The following CAPN9 variants were observed in gnomAD, a reference collection of about 807,000 sequenced individuals.
CAPN9 encodes calpain-9.
A neutral mutation model predicts 92.8 loss-of-function variants in CAPN9; 81 were observed. The observed-to-expected ratio is 0.87, with a 90% CI of 0.73 to 1.05. CAPN9 has a LOEUF of 1.05. Among genes scored for constraint, CAPN9 ranks in the 50% least tolerant of loss-of-function variants. The pLI is 0.00. For synonymous variants in CAPN9, 304 were observed against 328.0 expected (o/e 0.93, Z 0.79); for missense variants, 848 against 866.2 (o/e 0.98, Z 0.26).
At position 230,790,094 on chromosome 1, in the gene CAPN9, C is replaced by T. The variant is rs764110377; in HGVS notation, c.1600-38C>T. 4.5e-6 allele frequency: 7 copies of T among 1,540,360 alleles called. No homozygotes were observed. The Admixed American group carries it at 8.4e-5, about 18-fold the overall frequency. On this transcript the variant is annotated intron_variant, in intron 13 of 19. Transcript: ENST00000271971. The stretch of plus-strand genomic sequence containing the variant: ...CAAAAATAAACTATAAAAGAAGGTG[C>T]CAAGGGCTATAACAAACAATTGTCT...
intron 4 of CAPN9, among the ~76,000 whole-genome samples, chr1:230,763,163 C>T (rs1558090052): frequency 2.0e-5 from 3 of 152,202 alleles, no homozygotes; most frequent in African/African-American, 4.8e-5. Context: ...GATATAGAGA[C>T]ATCAATTGTC....
At position 230,798,149 on chromosome 1, in the gene CAPN9, T is replaced by A; in HGVS notation, c.1988-13T>A. On this transcript the variant is annotated splice_polypyrimidine_tract_variant and intron_variant, in intron 18 of 19. Transcript: ENST00000271971. ...TCTTTAAAAGGATGCCTTTCCCCCT[T>A]CTCTCCTATCAGGGGTGTTCCAGGC... 6.3e-7 allele frequency: 1 copy of A among 1,587,246 alleles called. No homozygotes were observed. The highest frequency in any genetic ancestry group is 8.7e-7 in the Non-Finnish European group (1 of 1,155,976).
At chr1:230,801,185 C>G (rs1668706546) in intron 19 of CAPN9, among the ~76,000 whole-genome samples, 1 of 152,132 alleles carries the variant, frequency 6.6e-6, no homozygotes, top group Admixed American at 6.5e-5. Flanking sequence ...GCAGCCCCTC[C>G]AGGGTGGAGG....
intron 19 of CAPN9, 47 bp from the exon 20 acceptor site, chr1:230,801,523 G>T (rs1668724304): frequency 6.3e-7 from 1 of 1,597,862 alleles, no homozygotes; most frequent in Admixed American, 1.7e-5. Flanking sequence ...AGGCTGGAAG[G>T]GACATGGAAG....
At chr1:230,769,293 A>G (rs760637017) in intron 6 of CAPN9, 30 bp downstream of exon 6, 7 of 1,451,018 alleles carry the variant, frequency 4.8e-6, no homozygotes, top group Admixed American at 1.7e-5. Flanking sequence ...ACTGCAGGCT[A>G]TGGGGAGACA....
chr1:230,780,468 T>C, intron 10 of CAPN9, 32 bp from the exon 11 acceptor site: 1 of 1,608,754 alleles, frequency 6.2e-7, no homozygotes, highest in Non-Finnish European at 8.5e-7. Context: ...GGAACTTCCC[T>C]AGGAAACCCC....
intron 1 of CAPN9, chr1:230,752,799 T>C: frequency 1.0e-5 from 7 of 668,248 alleles, no homozygotes; most frequent in Non-Finnish European, 1.3e-5. Context: ...CAGGGAGGGC[T>C]TGGGGGACTC....
intron 1 of CAPN9, chr1:230,752,651 C>T: frequency 1.0e-6 from 1 of 984,792 alleles, no homozygotes; most frequent in Middle Eastern, 5.2e-4. Context: ...AGCCCTGCCC[C>T]AGGAGCTAGC....
intron 18 of CAPN9, among the ~76,000 whole-genome samples, chr1:230,795,705 G>A (rs914632558): frequency 2.6e-5 from 4 of 151,950 alleles, no homozygotes; most frequent in Non-Finnish European, 5.9e-5. Context: ...AAATAGAGAG[G>A]GATTATGTGC....
intron 8 of CAPN9, among the ~76,000 whole-genome samples, chr1:230,778,754 A>G (rs28359683): frequency 0.013 from 1,977 of 152,292 alleles, 49 homozygotes; most frequent in African/African-American, 0.045. Context: ...AGCACTTAAC[A>G]TCTACAATCA....
At chr1:230,749,794 T>C (rs898088306) in intron 1 of CAPN9, among the ~76,000 whole-genome samples, 1 of 152,186 alleles carries the variant, frequency 6.6e-6, no homozygotes, top group African/African-American at 2.4e-5. Context: ...GCCTGGTGTG[T>C]AAAGAATCAG....
chr1:230,760,151 T>C (rs1250955269), intron 3 of CAPN9, among the ~76,000 whole-genome samples: 2 of 151,688 alleles, frequency 1.3e-5, no homozygotes, highest in Non-Finnish European at 2.9e-5. Context: ...AGGAGATGGT[T>C]TCCTGCTGCT....
chr1:230,787,403 A>G, intron 12 of CAPN9, 119 bp from the exon 13 acceptor site: 1 of 752,240 alleles, frequency 1.3e-6, no homozygotes, highest in Non-Finnish European at 2.3e-6. Flanking sequence ...GCTTGTGCAC[A>G]CTGCCTCAGG....
chr1:230,787,567 C>T lies in CAPN9; in HGVS notation c.1564C>T (p.Arg522Trp), dbSNP rs12731961. The change falls in exon 13 of 20, where the codon CGG (arginine) becomes TGG (tryptophan). Residue 522 changes from arginine (R) to tryptophan (W), a missense_variant. Arg to Trp is a moderately radical substitution (Grantham distance 101). Coordinates refer to ENST00000271971, the MANE Select transcript of CAPN9 (RefSeq NM_006615.3). ...TGACCAGGAGACAGAGGAGGAGCAG[C>T]GGTTTCGGGCTCTGTTTGAACAAGT... is the stretch of plus-strand genomic sequence containing the variant. ...PPDQETEEEQ[R>W]FRALFEQVAG... is the part of the protein sequence containing the mutation. 0.19 allele frequency: 310,013 copies of T among 1,613,130 alleles called. 31,218 individuals are homozygous for T. The highest frequency in any genetic ancestry group is 0.29 in the African/African-American group (21,515 of 74,954).
chr1:230,798,136 T>C (rs751918251), intron 18 of CAPN9, 26 bp from the exon 19 acceptor site: 34 of 1,546,880 alleles, frequency 2.2e-5, no homozygotes, highest in Non-Finnish European at 1.8e-6. Flanking sequence ...TTTAAAAGGA[T>C]GCCTTTCCCC....
At chr1:230,749,526 G>T (rs374413097) in intron 1 of CAPN9, among the ~76,000 whole-genome samples, 2 of 152,310 alleles carry the variant, frequency 1.3e-5, no homozygotes, top group South Asian at 2.1e-4. Flanking sequence ...TTTCCCTGCA[G>T]TTGATGTCAG....
chr1:230,774,356 T>C (rs1371045630), intron 7 of CAPN9, among the ~76,000 whole-genome samples, 198 bp from the exon 8 acceptor site: 1 of 152,238 alleles, frequency 6.6e-6, no homozygotes, highest in East Asian at 1.9e-4. Flanking sequence ...CTTGGAGATG[T>C]ACTTTCTGAC....
intron 19 of CAPN9, among the ~76,000 whole-genome samples, chr1:230,798,725 A>C (rs28359741): frequency 0.02 from 3,018 of 152,248 alleles, 106 homozygotes; most frequent in African/African-American, 0.068. Context: ...TGGGAGAAGG[A>C]TTCCAGGGGG....
Position 230,778,917 on chromosome 1 carries a change from G to T in CAPN9, c.954-56G>T, listed in dbSNP as rs1572059655. ...TGAATGATTTAATGAATGAGTGAAT[G>T]GATGATGCCCTCACTCTTGCCCTCC... On this transcript the variant is annotated intron_variant, in intron 8 of 19. Coordinates refer to ENST00000271971, the MANE Select transcript of CAPN9 (RefSeq NM_006615.3). The T allele has an allele frequency of 8.3e-6, 12 of 1,444,074 alleles. No homozygotes were observed. In the South Asian group the frequency reaches 1.5e-4, roughly 18 times the overall value. The allele number at this position is 1,444,074 out of a possible 1,614,324, so 89.5% of individuals were successfully genotyped here. A position where few individuals can be genotyped will look rare whatever the true frequency, so the allele number is the denominator to read the frequency against.
Sources: allele counts gnomAD v4.1 joint callset (sites outside exome capture counted in the v4.1 genomes callset), GRCh38; gene constraint gnomAD v4.1.1; transcripts MANE v1.5; gene names NCBI Gene and HGNC (gene_info 2026-07-23, HGNC 2026-07-21).